Variants in PDS5B observed in about 807,000 individuals in gnomAD.
PDS5B encodes the protein PDS5 cohesin associated factor B, also known as sister chromatid cohesion protein PDS5 homolog B.
In PDS5B, 51 loss-of-function variants were observed where a neutral mutation model predicts 184.1. That is an observed-to-expected ratio of 0.28 (90% confidence interval 0.22 to 0.35). The LOEUF (loss-of-function observed/expected upper bound fraction) is 0.35, where lower values mean the gene tolerates loss of function less well. PDS5B is among the 10% of genes least tolerant of loss of function. The pLI is 1.00. For synonymous variants in PDS5B, 566 were observed against 569.2 expected, an observed-to-expected ratio of 0.99 and a Z score of 0.08; for missense variants, 1,180 against 1,723.3, an observed-to-expected ratio of 0.68 and a Z score of 5.58.
intron 19 of PDS5B, among the ~76,000 whole-genome samples, chr13:32,717,112 G>A (rs1322719171): frequency 6.6e-6 from 1 of 151,476 alleles, no homozygotes; most frequent in Non-Finnish European, 1.5e-5. Flanking sequence ...TCCGGGAGGT[G>A]AGGGGCGCCT....
chr13:32,716,851 AG>A (rs1469379982), intron 19 of PDS5B, among the ~76,000 whole-genome samples: 1 of 113,234 alleles, frequency 8.8e-6, no homozygotes, highest in African/African-American at 3.2e-5. Context: ...TTGGGGGGTC[AG>A]CCCCCCGCCC....
chr13:32,710,087 G>C lies in PDS5B; in HGVS notation c.2104G>C (p.Asp702His). 6.5e-7 allele frequency: 1 copy of C among 1,528,168 alleles called. No homozygotes were observed. The highest frequency in any genetic ancestry group is 8.9e-7 in the Non-Finnish European group (1 of 1,125,582). 94.7% of individuals were successfully genotyped at this position (1,528,168 alleles called of 1,614,324 possible). A position where few individuals can be genotyped will look rare whatever the true frequency, so the allele number is the denominator to read the frequency against. Residue 702 changes from aspartate to histidine, a missense_variant, in exon 19 of 35, where the codon GAT becomes CAT. Around this residue, in one of 11 missense-constraint regions of PDS5B, gnomAD observed 475 missense variants for 691.5 expected, o/e 0.69. Transcript: ENST00000315596. ...AAACACAGGAAGCAAAATTGAAGAG[G>C]ATTTTCCACACATCAGATCGTGAGT... ...FKNTGSKIEEDFPHIRSALLP... is the reference protein window; with the variant it reads ...FKNTGSKIEEHFPHIRSALLP...
chr13:32,735,787 C>G (rs1238218983), intron 21 of PDS5B, among the ~76,000 whole-genome samples: 1 of 152,092 alleles, frequency 6.6e-6, no homozygotes, highest in Non-Finnish European at 1.5e-5. Flanking sequence ...TATTTTGTAT[C>G]TGCTGTGACA....
In PDS5B at chr13:32,755,894, T is replaced by C; in HGVS notation, c.2994T>C (p.Leu998=). 6.3e-7 allele frequency: 1 copy of C among 1,589,160 alleles called. No individual in the cohort carries two copies. The highest frequency in any genetic ancestry group is 1.7e-5 in the Admixed American group (1 of 58,778). The part of the protein sequence containing the change: ...PEYVVPYTIH[L]LAHDPDYVKV... ...ATGTTGTTCCATATACAATTCACCT[T>C]TTGGCACATGACCCAGATTATGTCA... Residue 998 remains leucine (L), a synonymous_variant, in exon 26 of 35, where the codon CTT becomes CTC. Coordinates refer to ENST00000315596, the MANE Select transcript of PDS5B (RefSeq NM_015032.4).
At chr13:32,698,322 T>C (rs1951767011) in intron 15 of PDS5B, among the ~76,000 whole-genome samples, 1 of 152,146 alleles carries the variant, frequency 6.6e-6, no homozygotes, top group Non-Finnish European at 1.5e-5. Context: ...AATAACACTT[T>C]CCAAAATTAT....
intron 1 of PDS5B, among the ~76,000 whole-genome samples, chr13:32,601,230 T>A (rs1179187677): frequency 6.6e-6 from 1 of 152,236 alleles, no homozygotes; most frequent in Non-Finnish European, 1.5e-5. Context: ...TCCCAGGGTT[T>A]ATAATTGCTA....
intron 19 of PDS5B, among the ~76,000 whole-genome samples, chr13:32,712,808 A>G (rs1424260334): frequency 1.3e-5 from 2 of 152,230 alleles, no homozygotes; most frequent in South Asian, 2.1e-4. Context: ...CTTTAGGTCA[A>G]CCTGTTTACC....
At chr13:32,655,374 A>ATTTT (rs1228814649) in intron 3 of PDS5B, among the ~76,000 whole-genome samples, 10 of 72,452 alleles carry the variant, frequency 1.4e-4, no homozygotes, top group East Asian at 5.5e-4. Flanking sequence ...ATATATATAT[A>ATTTT]TTTTTTTTTT....
chr13:32,748,547 TGTC>T (rs1036508972), intron 24 of PDS5B, among the ~76,000 whole-genome samples: 25 of 151,932 alleles, frequency 1.6e-4, no homozygotes, highest in South Asian at 8.3e-4. Flanking sequence ...TCTTTGGCCA[TGTC>T]ATCATCTATG....
At chr13:32,734,124 T>C (rs543314251) in intron 20 of PDS5B, among the ~76,000 whole-genome samples, 2 of 152,186 alleles carry the variant, frequency 1.3e-5, no homozygotes, top group African/African-American at 4.8e-5. Flanking sequence ...ACCTTTCTTG[T>C]TCAAGTGATT....
intron 1 of PDS5B, among the ~76,000 whole-genome samples, chr13:32,603,724 A>T (rs1359263904): frequency 6.6e-6 from 1 of 152,144 alleles, no homozygotes; most frequent in Non-Finnish European, 1.5e-5. Flanking sequence ...CTTTCTATCC[A>T]TGAGCATGGA....
chr13:32,586,767 C>T (rs1259513770), intron 1 of PDS5B, among the ~76,000 whole-genome samples, 174 bp downstream of exon 1: 1 of 146,456 alleles, frequency 6.8e-6, no homozygotes, highest in African/African-American at 2.5e-5. Flanking sequence ...CAGCGGGTGG[C>T]TGCCTGGCGG....
chr13:32,687,076 C>G lies in PDS5B; in HGVS notation c.1204-58C>G. 7 of 1,361,942 alleles carry G rather than the reference C, an allele frequency of 5.1e-6. No homozygotes were observed. In the South Asian group the frequency reaches 6.8e-5, roughly 13 times the overall value. The allele number at this position is 1,361,942 out of a possible 1,614,324, so 84.4% of individuals were successfully genotyped here. The stretch of plus-strand genomic sequence containing the variant: ...ACACAAAACTAGGAAACTAGACTTT[C>G]CTTAATTTATATAATGGAAGCCTTT... On this transcript the variant is annotated intron_variant, in intron 11 of 34. Coordinates refer to ENST00000315596, the MANE Select transcript of PDS5B (RefSeq NM_015032.4).
intron 7 of PDS5B, among the ~76,000 whole-genome samples, chr13:32,671,276 T>A (rs544850499): frequency 2.6e-4 from 39 of 152,316 alleles, no homozygotes; most frequent in Non-Finnish European, 4.7e-4. Flanking sequence ...TGTGTTTTTT[T>A]ATGGAATTTG....
intron 30 of PDS5B, chr13:32,763,464 G>C (rs1954479833): frequency 2.0e-5 from 3 of 152,226 alleles, no homozygotes; most frequent in Non-Finnish European, 4.4e-5. Context: ...GCAGTAGTGA[G>C]AAGGGAGGAG....
intron 14 of PDS5B, among the ~76,000 whole-genome samples, chr13:32,695,015 A>G (rs190957298): frequency 3.9e-5 from 6 of 151,928 alleles, no homozygotes; most frequent in African/African-American, 1.4e-4. Context: ...CATACACTTC[A>G]TAGGACAGAG....
At chr13:32,753,971 C>T (rs1954079188) in intron 25 of PDS5B, among the ~76,000 whole-genome samples, 1 of 152,132 alleles carries the variant, frequency 6.6e-6, no homozygotes, top group Non-Finnish European at 1.5e-5. Context: ...AGTTGGTGTG[C>T]CTCTTGACTT....
chr13:32,655,374 ATTT>A (rs1228814649), intron 3 of PDS5B, among the ~76,000 whole-genome samples: 18 of 72,438 alleles, frequency 2.5e-4, no homozygotes, highest in Admixed American at 3.7e-4. Flanking sequence ...ATATATATAT[ATTT>A]TTTTTTTTTT....
chr13:32,602,532 T>C (rs2057993244), intron 1 of PDS5B, among the ~76,000 whole-genome samples: 1 of 152,218 alleles, frequency 6.6e-6, no homozygotes. Flanking sequence ...AGTGTTTGTA[T>C]TGTGAATAGT....
Sources: allele counts gnomAD v4.1 joint callset (sites outside exome capture counted in the v4.1 genomes callset), GRCh38; gene constraint gnomAD v4.1.1; regional missense constraint gnomAD v4.1.1; transcripts MANE v1.5; gene names NCBI Gene and HGNC (gene_info 2026-07-23, HGNC 2026-07-21).